CERS6: variants seen among roughly 807,000 people sequenced by gnomAD.
The protein encoded by CERS6 is ceramide synthase 6, also known as LAG1 homolog, ceramide synthase 6.
Under a neutral mutation model 56.8 loss-of-function variants are expected in CERS6, and 26 were observed. The observed-to-expected ratio is 0.46, with a 90% CI of 0.34 to 0.63. The LOEUF is 0.63. CERS6 is among the 30% of genes least tolerant of loss of function. The pLI is 0.01. For synonymous variants in CERS6, 164 were observed against 173.3 expected (o/e 0.95, Z 0.42); for missense variants, 415 against 467.5 (o/e 0.89, Z 1.04).
intron 8 of CERS6, among the ~76,000 whole-genome samples, chr2:168,765,297 C>T (rs146094354): frequency 1.8e-4 from 27 of 152,120 alleles, no homozygotes; most frequent in African/African-American, 6.5e-4. Context: ...GCCAGTGAAC[C>T]GTACACTTAA....
At chr2:168,526,051 A>C (rs756389885) in intron 1 of CERS6, among the ~76,000 whole-genome samples, 4 of 152,174 alleles carry the variant, frequency 2.6e-5, no homozygotes, top group Non-Finnish European at 4.4e-5. Flanking sequence ...GTGGCTATTT[A>C]AGGATTACAA....
intron 1 of CERS6, among the ~76,000 whole-genome samples, chr2:168,489,443 A>G (rs1242374855): frequency 7.0e-6 from 1 of 142,748 alleles, no homozygotes; most frequent in African/African-American, 2.6e-5. Context: ...GTTTTGGGCT[A>G]TTATTTCTTC....
intron 8 of CERS6, among the ~76,000 whole-genome samples, chr2:168,746,351 A>G (rs1200338193): frequency 2.6e-5 from 4 of 152,112 alleles, no homozygotes; most frequent in Non-Finnish European, 5.9e-5. Flanking sequence ...CTTATCATCA[A>G]CTGCTTATTT....
chr2:168,560,792 T>C (rs1423623857), intron 2 of CERS6, among the ~76,000 whole-genome samples: 6 of 152,160 alleles, frequency 3.9e-5, no homozygotes, highest in Admixed American at 3.9e-4. Flanking sequence ...GTTGTTGTTG[T>C]TGAGAAAGTG....
intron 4 of CERS6, among the ~76,000 whole-genome samples, chr2:168,650,351 C>T (rs532517534): frequency 1.3e-3 from 202 of 152,326 alleles, no homozygotes; most frequent in African/African-American, 4.7e-3. Flanking sequence ...GGTGGCTCCA[C>T]TCTGTTACTG....
chr2:168,728,429 A>C, intron 8 of CERS6, among the ~76,000 whole-genome samples: 1 of 126,896 alleles, frequency 7.9e-6, no homozygotes, highest in African/African-American at 3.1e-5. Context: ...TTGCTCTGTC[A>C]CCCAAGCTGG....
chr2:168,602,739 T>C (rs1451432703), intron 3 of CERS6, among the ~76,000 whole-genome samples: 8 of 152,214 alleles, frequency 5.3e-5, no homozygotes, highest in African/African-American at 1.9e-4. Flanking sequence ...TGGTGGTTAT[T>C]TGTGTATGCA....
At chr2:168,627,533 G>C (rs556198825) in intron 3 of CERS6, among the ~76,000 whole-genome samples, 1 of 152,070 alleles carries the variant, frequency 6.6e-6, no homozygotes, top group African/African-American at 2.4e-5. Context: ...ATACAGCAGA[G>C]AACTGTAAGA....
intron 6 of CERS6, among the ~76,000 whole-genome samples, chr2:168,713,331 A>T (rs909489768): frequency 6.6e-6 from 1 of 152,192 alleles, no homozygotes; most frequent in Non-Finnish European, 1.5e-5. Context: ...AGAGATTCAA[A>T]TAAATCTACC....
At chr2:168,578,477 C>G (rs1683331690) in intron 3 of CERS6, among the ~76,000 whole-genome samples, 1 of 152,156 alleles carries the variant, frequency 6.6e-6, no homozygotes. Context: ...GATGCTTAAG[C>G]TGCCACATGA....
intron 1 of CERS6, among the ~76,000 whole-genome samples, chr2:168,503,360 C>T (rs1446987863): frequency 3.3e-5 from 5 of 152,140 alleles, no homozygotes; most frequent in Non-Finnish European, 1.5e-5. Flanking sequence ...AAGATACCCT[C>T]TTCAGGTAAA....
At chr2:168,615,071 C>T (rs569344760) in intron 3 of CERS6, among the ~76,000 whole-genome samples, 118 of 152,148 alleles carry the variant, frequency 7.8e-4, no homozygotes, top group African/African-American at 2.7e-3. Context: ...CAGCACCAGC[C>T]CAGAGCCTGG....
chr2:168,724,700 A>G (rs1430617869), intron 8 of CERS6, among the ~76,000 whole-genome samples: 1 of 151,960 alleles, frequency 6.6e-6, no homozygotes. Context: ...ACCCTGAGCT[A>G]GACACAGGGT....
chr2:168,582,301 A>T (rs1683432759), intron 3 of CERS6, among the ~76,000 whole-genome samples: 1 of 152,198 alleles, frequency 6.6e-6, no homozygotes, highest in Non-Finnish European at 1.5e-5. Flanking sequence ...CAAAACAGAA[A>T]CCCAGATTAA....
chr2:168,723,717 T>A (rs1683257328), intron 8 of CERS6, among the ~76,000 whole-genome samples: 1 of 152,238 alleles, frequency 6.6e-6, no homozygotes, highest in South Asian at 2.1e-4. Context: ...CAGGTACACG[T>A]GATGGTAATC....
chr2:168,659,401 A>G (rs1052396927), intron 4 of CERS6, among the ~76,000 whole-genome samples: 26 of 152,374 alleles, frequency 1.7e-4, no homozygotes, highest in African/African-American at 5.3e-4. Flanking sequence ...CACTTCTTGT[A>G]TATATAGAAA....
At chr2:168,717,792 T>C in intron 7 of CERS6, 80 bp from the exon 8 acceptor site, 1 of 965,196 alleles carries the variant, frequency 1.0e-6, no homozygotes, top group South Asian at 1.6e-5. Flanking sequence ...GTATATCTTA[T>C]AGGAGATTCA....
chr2:168,693,847 A>G (rs886753744), intron 5 of CERS6, among the ~76,000 whole-genome samples: 3 of 152,134 alleles, frequency 2.0e-5, no homozygotes, highest in Non-Finnish European at 4.4e-5. Context: ...AGCAGTGCTC[A>G]TTGTCATTTA....
At chr2:168,674,111 C>T (rs1243374231) in intron 4 of CERS6, among the ~76,000 whole-genome samples, 2 of 152,106 alleles carry the variant, frequency 1.3e-5, no homozygotes, top group Admixed American at 6.5e-5. Context: ...TTTTAAAAAG[C>T]AAGTCAAATT....
Sources: allele counts gnomAD v4.1 joint callset (sites outside exome capture counted in the v4.1 genomes callset), GRCh38; gene constraint gnomAD v4.1.1; transcripts MANE v1.5; gene names NCBI Gene and HGNC (gene_info 2026-07-23, HGNC 2026-07-21).